The following BATF variants were observed in gnomAD, a reference collection of about 807,000 sequenced individuals.
The protein encoded by BATF is basic leucine zipper ATF-like transcription factor.
Under a neutral mutation model 13.7 loss-of-function variants are expected in BATF, and 5 were observed. The ratio of observed to expected loss-of-function variants is 0.36; its 90% CI spans 0.19 to 0.77. BATF has a LOEUF of 0.77. Among genes scored for constraint, BATF ranks in the 30% least tolerant of loss-of-function variants. The pLI is 0.51. For missense variants in BATF, 124 were observed against 163.0 expected, an observed-to-expected ratio of 0.76 and a Z score of 1.30; for synonymous variants, 72 against 67.5, an observed-to-expected ratio of 1.07 and a Z score of -0.33.
At chr14:75,536,740 A>AAATAAAATAAAATAAAATAAAATAT (rs1887825334) in intron 2 of BATF, among the ~76,000 whole-genome samples, 1 of 151,222 alleles carries the variant, frequency 6.6e-6, no homozygotes, top group Non-Finnish European at 1.5e-5. Context: ...AAATAAAATA[A>AAATAAAATAAAATAAAATAAAATAT]AATAAAATAA....
chr14:75,546,712 C>A lies in BATF; in HGVS notation c.*41C>A. On this transcript the variant is annotated 3_prime_UTR_variant, in exon 3 of 3. Coordinates refer to ENST00000286639, the MANE Select transcript of BATF (RefSeq NM_006399.5). Reference sequence around the variant, plus strand: ...AGAGCAGAGCCTCGGGAGGGGCACACAGACTGTGGCAGAGCTGCGCCCATC... The same window carrying A: ...AGAGCAGAGCCTCGGGAGGGGCACAAAGACTGTGGCAGAGCTGCGCCCATC... 1 of 1,510,092 alleles carries A rather than the reference C, an allele frequency of 6.6e-7. No individual in the cohort carries two copies. Among genetic ancestry groups the A allele is most frequent in the Non-Finnish European group, 8.9e-7 (1 of 1,127,176 alleles). 93.5% of individuals were successfully genotyped at this position (1,510,092 alleles called of 1,614,324 possible).
At chr14:75,525,906 C>T (rs1190296864) in intron 2 of BATF, among the ~76,000 whole-genome samples, 2 of 152,186 alleles carry the variant, frequency 1.3e-5, no homozygotes, top group Admixed American at 1.3e-4. Context: ...AGGAAATTCA[C>T]AGGGCGCTGT....
chr14:75,540,746 A>G (rs1595008264), intron 2 of BATF, among the ~76,000 whole-genome samples: 1 of 151,426 alleles, frequency 6.6e-6, no homozygotes, highest in Admixed American at 6.5e-5. Flanking sequence ...AATGATAACC[A>G]TAAAATACTT....
At chr14:75,539,663 G>T (rs549647482) in intron 2 of BATF, among the ~76,000 whole-genome samples, 1 of 152,170 alleles carries the variant, frequency 6.6e-6, no homozygotes, top group African/African-American at 2.4e-5. Flanking sequence ...AAATGCAAAG[G>T]TGCTTATGGC....
chr14:75,540,017 G>A (rs1301452491), intron 2 of BATF, among the ~76,000 whole-genome samples: 1 of 152,102 alleles, frequency 6.6e-6, no homozygotes, highest in Non-Finnish European at 1.5e-5. Context: ...GGAGCCAAAA[G>A]GTCACCCTGC....
chr14:75,528,150 G>A (rs1434693646), intron 2 of BATF, among the ~76,000 whole-genome samples: 1 of 152,216 alleles, frequency 6.6e-6, no homozygotes, highest in African/African-American at 2.4e-5. Flanking sequence ...TCCACATGCT[G>A]GGGTTGTTCT....
At chr14:75,541,722 G>A (rs187318493) in intron 2 of BATF, among the ~76,000 whole-genome samples, 1 of 152,288 alleles carries the variant, frequency 6.6e-6, no homozygotes, top group African/African-American at 2.4e-5. Flanking sequence ...GAACTACAAT[G>A]GTAAAATCTT....
chr14:75,530,391 CACAA>C (rs1887716036), intron 2 of BATF, among the ~76,000 whole-genome samples: 1 of 152,124 alleles, frequency 6.6e-6, no homozygotes, highest in African/African-American at 2.4e-5. Context: ...GGAGTGTGTT[CACAA>C]ACAAATCCAC....
chr14:75,546,092 C>T (rs6574243), intron 2 of BATF, among the ~76,000 whole-genome samples: 6,759 of 152,162 alleles, frequency 0.044, 477 homozygotes, highest in African/African-American at 0.15. Flanking sequence ...AAACTCCCCA[C>T]CTCAGGCAAT....
At chr14:75,545,559 G>A (rs1887969916) in intron 2 of BATF, among the ~76,000 whole-genome samples, 1 of 151,922 alleles carries the variant, frequency 6.6e-6, no homozygotes, top group Admixed American at 6.6e-5. Flanking sequence ...TAAAGACCCT[G>A]AGCATTCTAG....
At position 75,522,526 on chromosome 14, in the gene BATF, A is replaced by T; in HGVS notation, c.-157A>T. The T allele has an allele frequency of 1.4e-6, 1 of 693,602 alleles. No homozygotes were observed. Among genetic ancestry groups the T allele is most frequent in the Non-Finnish European group, 2.5e-6 (1 of 403,282 alleles). The allele number at this position is 693,602 out of a possible 1,614,324, so 43.0% of individuals were successfully genotyped here. The stretch of plus-strand genomic sequence containing the variant: ...CCCTCTGCACCCCAGAGTGAGGAGG[A>T]CGCAGGGGTCAGAGGTGGCTACAGG... On this transcript the variant is annotated 5_prime_UTR_variant, in exon 1 of 3. Transcript: ENST00000286639.
chr14:75,523,849 C>T (rs912035181), intron 1 of BATF, among the ~76,000 whole-genome samples: 2 of 152,182 alleles, frequency 1.3e-5, no homozygotes, highest in African/African-American at 4.8e-5. Context: ...CTAGAAGGCA[C>T]AGAATCCAGT....
chr14:75,536,903 C>A lies in BATF; in HGVS notation c.169-9559C>A, dbSNP rs375647266. ...AATAGCACCTCACTAGGCTGTTTGA[C>A]CGTTTAATTGAGAGGGCAAATGTAA... On this transcript the variant is annotated intron_variant, in intron 2 of 2. Transcript: ENST00000286639. Among the ~76,000 whole-genome samples, 21 of 152,192 alleles carry A rather than the reference C, an allele frequency of 1.4e-4. No homozygotes were observed. The East Asian group carries it at 4.1e-3, about 29-fold the overall frequency.
At chr14:75,533,224 T>C (rs1463442695) in intron 2 of BATF, among the ~76,000 whole-genome samples, 16 of 151,892 alleles carry the variant, frequency 1.1e-4, no homozygotes, top group Admixed American at 9.2e-4. Flanking sequence ...GTCAGGAGAC[T>C]GAGACCATCC....
At chr14:75,541,396 G>A (rs573713368) in intron 2 of BATF, among the ~76,000 whole-genome samples, 1 of 152,288 alleles carries the variant, frequency 6.6e-6, no homozygotes, top group East Asian at 1.9e-4. Context: ...CCCATTTACC[G>A]CTGATGGAGC....
chr14:75,526,200 T>G (rs1473791047), intron 2 of BATF, among the ~76,000 whole-genome samples: 8 of 152,198 alleles, frequency 5.3e-5, no homozygotes, highest in Non-Finnish European at 8.8e-5. Flanking sequence ...AAAGTACTGC[T>G]TCCTCCCCAT....
At chr14:75,537,186 A>C (rs946826584) in intron 2 of BATF, among the ~76,000 whole-genome samples, 7 of 152,192 alleles carry the variant, frequency 4.6e-5, no homozygotes, top group Non-Finnish European at 8.8e-5. Context: ...CGAAGTTCTT[A>C]AAGTGGTTGT....
chr14:75,542,688 G>A (rs1330619132), intron 2 of BATF, among the ~76,000 whole-genome samples: 2 of 152,238 alleles, frequency 1.3e-5, no homozygotes, highest in Non-Finnish European at 1.5e-5. Flanking sequence ...CTGGCTGCAC[G>A]GTCCCTGGGC....
chr14:75,537,909 ATTTG>A, intron 2 of BATF, among the ~76,000 whole-genome samples: 2 of 152,286 alleles, frequency 1.3e-5, no homozygotes, highest in South Asian at 4.1e-4. Flanking sequence ...CACAAATTTA[ATTTG>A]TTTGTTAACA....
Sources: gnomAD v4.1 joint callset for allele counts (sites outside exome capture counted in the v4.1 genomes callset) on GRCh38, gnomAD v4.1.1 for gene constraint, MANE v1.5 for transcripts, NCBI Gene and HGNC (gene_info 2026-07-23, HGNC 2026-07-21) for gene names.